The following CACNA2D3 variants were observed in gnomAD, a reference collection of about 807,000 sequenced individuals.
CACNA2D3 encodes calcium voltage-gated channel auxiliary subunit alpha2delta 3.
CACNA2D3 carries 60 observed loss-of-function variants against 160.6 expected under a neutral mutation model. The ratio of observed to expected loss-of-function variants is 0.37; its 90% CI spans 0.30 to 0.46. The LOEUF is 0.46. Ranked by LOEUF, CACNA2D3 falls within the 20% of genes least tolerant of loss-of-function variation. The pLI, the probability that CACNA2D3 is intolerant of heterozygous loss-of-function variation, is 1.00. For synonymous variants in CACNA2D3, 558 were observed against 492.9 expected, an observed-to-expected ratio of 1.13 and a Z score of -1.75; for missense variants, 1,205 against 1,365.0, an observed-to-expected ratio of 0.88 and a Z score of 1.85.
At chr3:54,671,920 A>T (rs1406304048) in intron 11 of CACNA2D3, among the ~76,000 whole-genome samples, 1 of 152,198 alleles carries the variant, frequency 6.6e-6, no homozygotes, top group Non-Finnish European at 1.5e-5. Flanking sequence ...GTGAGACTTG[A>T]TGGGGTCACA....
chr3:54,895,882 C>T (rs1380096412), intron 25 of CACNA2D3, among the ~76,000 whole-genome samples: 1 of 152,172 alleles, frequency 6.6e-6, no homozygotes, highest in Non-Finnish European at 1.5e-5. Flanking sequence ...GCTTAAGGCT[C>T]TGTGAAGAGT....
chr3:54,633,156 G>A (rs1030742242), intron 10 of CACNA2D3, among the ~76,000 whole-genome samples: 3 of 152,198 alleles, frequency 2.0e-5, no homozygotes, highest in African/African-American at 7.2e-5. Flanking sequence ...GATGGAGGAA[G>A]TAGAGGCAGG....
At chr3:55,004,305 C>G (rs989303872) in intron 31 of CACNA2D3, among the ~76,000 whole-genome samples, 1 of 152,206 alleles carries the variant, frequency 6.6e-6, no homozygotes, top group Admixed American at 6.5e-5. Context: ...TGGTCCAAAC[C>G]TGTTTCCTGG....
intron 5 of CACNA2D3, among the ~76,000 whole-genome samples, chr3:54,544,793 G>A (rs1425910755): frequency 6.6e-6 from 1 of 152,020 alleles, no homozygotes; most frequent in African/African-American, 2.4e-5. Flanking sequence ...AGAGTTTTCA[G>A]TTCTTAAAAA....
chr3:54,705,086 A>T (rs1180347191), intron 11 of CACNA2D3, among the ~76,000 whole-genome samples: 1 of 152,070 alleles, frequency 6.6e-6, no homozygotes, highest in African/African-American at 2.4e-5. Context: ...ATTTCCAAAA[A>T]TGGCTCAGTC....
At chr3:54,903,740 A>G (rs990393821) in intron 27 of CACNA2D3, among the ~76,000 whole-genome samples, 1 of 152,164 alleles carries the variant, frequency 6.6e-6, no homozygotes, top group Admixed American at 6.6e-5. Flanking sequence ...ACTTTTTAAT[A>G]ATAGCCATTC....
At chr3:54,290,781 C>A (rs933277223) in intron 2 of CACNA2D3, among the ~76,000 whole-genome samples, 1 of 151,944 alleles carries the variant, frequency 6.6e-6, no homozygotes, top group Non-Finnish European at 1.5e-5. Flanking sequence ...AAACTGGAAA[C>A]CATCATTCTC....
intron 6 of CACNA2D3, among the ~76,000 whole-genome samples, chr3:54,568,349 CA>C (rs764815362): frequency 3.9e-5 from 6 of 152,304 alleles, no homozygotes; most frequent in Middle Eastern, 6.8e-3. Context: ...ATTCTGGGGA[CA>C]GGGGTGGCCG....
At chr3:54,513,795 C>T (rs181394369) in intron 5 of CACNA2D3, among the ~76,000 whole-genome samples, 2 of 152,290 alleles carry the variant, frequency 1.3e-5, no homozygotes, top group East Asian at 3.9e-4. Context: ...ATTCTACTGC[C>T]TCAGCCCCCC....
chr3:54,312,356 T>C (rs1338421228), intron 2 of CACNA2D3, among the ~76,000 whole-genome samples: 1 of 152,194 alleles, frequency 6.6e-6, no homozygotes, highest in Non-Finnish European at 1.5e-5. Flanking sequence ...CTAATGATGC[T>C]TCCTGCATTT....
chr3:54,896,676 C>T, intron 25 of CACNA2D3, 73 bp from the exon 26 acceptor site: 1 of 1,588,542 alleles, frequency 6.3e-7, no homozygotes, highest in Non-Finnish European at 8.6e-7. Flanking sequence ...CTGATGAAGG[C>T]TGTCGGGGTG....
chr3:54,691,517 A>T (rs1700570158), intron 11 of CACNA2D3, among the ~76,000 whole-genome samples: 1 of 152,232 alleles, frequency 6.6e-6, no homozygotes, highest in African/African-American at 2.4e-5. Flanking sequence ...GACTGACTGT[A>T]TTTAAATCAC....
chr3:54,462,381 CAT>C (rs1700523416), intron 4 of CACNA2D3, among the ~76,000 whole-genome samples: 1 of 152,102 alleles, frequency 6.6e-6, no homozygotes, highest in Non-Finnish European at 1.5e-5. Flanking sequence ...GGGGTGTTAA[CAT>C]CTCCCATTAC....
chr3:54,195,010 G>A (rs1701052947), intron 2 of CACNA2D3, among the ~76,000 whole-genome samples: 1 of 152,162 alleles, frequency 6.6e-6, no homozygotes, highest in Non-Finnish European at 1.5e-5. Flanking sequence ...TTCTCACATG[G>A]CCACCCATCC....
chr3:54,436,515 C>T (rs1198718996), intron 4 of CACNA2D3, among the ~76,000 whole-genome samples: 10 of 152,160 alleles, frequency 6.6e-5, no homozygotes, highest in East Asian at 1.9e-4. Context: ...ATAGCAAAGA[C>T]GTGGAACCAA....
chr3:54,365,494 C>T (rs1212202489), intron 3 of CACNA2D3, among the ~76,000 whole-genome samples: 2 of 152,324 alleles, frequency 1.3e-5, no homozygotes, highest in South Asian at 2.1e-4. Context: ...TTCCCTGCCT[C>T]TTTCTCTCCT....
At chr3:54,215,884 C>CTT (rs139192590) in intron 2 of CACNA2D3, among the ~76,000 whole-genome samples, 2,059 of 149,196 alleles carry the variant, frequency 0.014, 44 homozygotes, top group African/African-American at 0.048. Context: ...CTTTTCTTTT[C>CTT]TTTTTTTTTT....
At chr3:54,280,245 C>A (rs1042732471) in intron 2 of CACNA2D3, among the ~76,000 whole-genome samples, 5 of 152,048 alleles carry the variant, frequency 3.3e-5, no homozygotes, top group African/African-American at 1.2e-4. Flanking sequence ...CCACGCCCAG[C>A]TAATTTTTTG....
intron 2 of CACNA2D3, among the ~76,000 whole-genome samples, chr3:54,224,863 G>A (rs1305633377): frequency 6.7e-6 from 1 of 149,746 alleles, no homozygotes; most frequent in African/African-American, 2.5e-5. Flanking sequence ...AAATTTCTAT[G>A]GTGGTACTAA....
Sources: gnomAD v4.1 joint callset for allele counts (sites outside exome capture counted in the v4.1 genomes callset) on GRCh38, gnomAD v4.1.1 for gene constraint, MANE v1.5 for transcripts, NCBI Gene and HGNC (gene_info 2026-07-23, HGNC 2026-07-21) for gene names.